Variants in SLC22A23 observed in about 807,000 individuals in gnomAD.
SLC22A23 encodes solute carrier family 22 member 23, also known as ion transporter protein.
A neutral mutation model predicts 61.0 loss-of-function variants in SLC22A23; 26 were observed. That is an observed-to-expected ratio of 0.43 (90% CI 0.31 to 0.59). The LOEUF (loss-of-function observed/expected upper bound fraction) is 0.59, where lower values mean the gene tolerates loss of function less well. Ranked by LOEUF, SLC22A23 falls within the 20% of genes least tolerant of loss-of-function variation. The pLI, the probability that SLC22A23 is intolerant of heterozygous loss-of-function variation, is 0.11. For missense variants in SLC22A23, 796 were observed against 934.7 expected (o/e 0.85, Z 1.94); for synonymous variants, 430 against 413.9 (o/e 1.04, Z -0.47).
rs1772320470 is a variant in SLC22A23 at position 3,454,931 on chromosome 6, G to C, written c.654+975C>G. Reference sequence around the variant, plus strand: ...TTTAAAACTCTGCCAGAACAGCCCAGAATGGGTAGCGGGTGGGGTGGAGGA... The same window carrying C: ...TTTAAAACTCTGCCAGAACAGCCCACAATGGGTAGCGGGTGGGGTGGAGGA... On this transcript the variant is annotated intron_variant, in intron 1 of 9. Coordinates refer to ENST00000406686, the MANE Select transcript of SLC22A23 (RefSeq NM_015482.2). This position sits in a 1 kb window ranked among gnomAD's most constrained non-coding sequence, Gnocchi z 4.3. 6.6e-6 allele frequency among the ~76,000 whole-genome samples: 1 copy of C among 152,244 alleles called. No individual in the cohort carries two copies. Among genetic ancestry groups the C allele is most frequent in the Non-Finnish European group, 1.5e-5 (1 of 68,042 alleles).
intron 4 of SLC22A23, among the ~76,000 whole-genome samples, chr6:3,321,868 G>A (rs984105118): frequency 1.3e-5 from 2 of 152,240 alleles, no homozygotes; most frequent in Non-Finnish European, 1.5e-5. Flanking sequence ...GTAGGGACAT[G>A]AGATGGAAGC....
intron 9 of SLC22A23, among the ~76,000 whole-genome samples, chr6:3,278,130 A>G (rs557530327): frequency 5.3e-5 from 8 of 152,326 alleles, no homozygotes; most frequent in South Asian, 2.1e-4. Context: ...AAACCATAAG[A>G]TAGTAGATGC....
Position 3,445,038 on chromosome 6 carries a change from G to A in SLC22A23, c.654+10868C>T, listed in dbSNP as rs1206756007. ...TGCCAGGTACGTGGGGGTGGGGCAC[G>A]CTTCCCAGTGTTCTGCGTCTGTCCT... On this transcript the variant is annotated intron_variant, in intron 1 of 9. Transcript: ENST00000406686. 1.1e-5 allele frequency: 10 copies of A among 937,096 alleles called. No individual in the cohort carries two copies. In the South Asian group the frequency reaches 2.0e-4, roughly 18 times the overall value. The allele number at this position is 937,096 out of a possible 1,614,324, so 58.0% of individuals were successfully genotyped here. A position where few individuals can be genotyped will look rare whatever the true frequency, so the allele number is the denominator to read the frequency against.
chr6:3,330,036 G>A lies in SLC22A23; in HGVS notation c.914-6034C>T, dbSNP rs1017700705. 3.9e-5 allele frequency among the ~76,000 whole-genome samples: 6 copies of A among 152,302 alleles called. No individual in the cohort carries two copies. In the South Asian group the frequency reaches 1.2e-3, roughly 32 times the overall value. On this transcript the variant is annotated intron_variant, in intron 3 of 9. Transcript: ENST00000406686. The surrounding 1 kb of genome is among the most constrained non-coding windows in gnomAD (Gnocchi z 4.7). ...CCAAGGGGAAGCCTCTGCGAAGGCC[G>A]ACTGGGCCACTAGGACACCGGGGCT...
At position 3,448,195 on chromosome 6, in the gene SLC22A23, G is replaced by A. The variant is rs1009709682; in HGVS notation, c.654+7711C>T. Among the ~76,000 whole-genome samples the A allele has an allele frequency of 5.9e-5, 9 of 152,096 alleles. No individual in the cohort carries two copies. The South Asian group carries it at 1.0e-3, about 18-fold the overall frequency. On this transcript the variant is annotated intron_variant, in intron 1 of 9. Coordinates refer to ENST00000406686, the MANE Select transcript of SLC22A23 (RefSeq NM_015482.2). ...TGGGATTACAGGCGTGAGCCACCGC[G>A]CCCGGCCAAAAAAATTTTTTCAAGT...
At chr6:3,283,655 C>G (rs1401851417) in intron 9 of SLC22A23, 197 bp downstream of exon 9, 2 of 759,544 alleles carry the variant, frequency 2.6e-6, no homozygotes, top group Non-Finnish European at 4.2e-6. Context: ...GGACAGGACC[C>G]CAGGGCCAGG....
rs1182100363 is a variant in SLC22A23 at position 3,410,258 on chromosome 6, T to C, written c.843A>G (p.Thr281=). The C allele has an allele frequency of 1.2e-6, 2 of 1,613,870 alleles. No homozygotes were observed. Among genetic ancestry groups the C allele is most frequent in the Non-Finnish European group, 1.7e-6 (2 of 1,179,978 alleles). Residue 281 remains threonine (T), a synonymous_variant, in exon 3 of 10, where the codon ACA becomes ACG. Coordinates refer to ENST00000406686, the MANE Select transcript of SLC22A23 (RefSeq NM_015482.2). This position sits in a 1 kb window ranked among gnomAD's most constrained non-coding sequence, Gnocchi z 5.0. The part of the protein sequence containing the change: ...GLTVALSVNV[T]MFSTLRFFEG... ...CAAAGAACCTGAGTGTGCTGAACATTGTCACATTCACTGACAGTGCCACAG... is the reference window on the plus strand; with the variant it reads ...CAAAGAACCTGAGTGTGCTGAACATCGTCACATTCACTGACAGTGCCACAG...
intron 9 of SLC22A23, among the ~76,000 whole-genome samples, chr6:3,280,829 ACT>A (rs1488784896): frequency 6.6e-6 from 1 of 151,838 alleles, no homozygotes; most frequent in Non-Finnish European, 1.5e-5. Context: ...AGTTGAACAG[ACT>A]CTGATACTCC....
At chr6:3,332,611 A>T (rs1178391204) in intron 3 of SLC22A23, among the ~76,000 whole-genome samples, 1 of 152,190 alleles carries the variant, frequency 6.6e-6, no homozygotes, top group Non-Finnish European at 1.5e-5. Context: ...AATATTTTAA[A>T]TCAGATTCCT....
At chr6:3,450,468 G>GTCGA (rs1231197151) in intron 1 of SLC22A23, among the ~76,000 whole-genome samples, 1 of 152,032 alleles carries the variant, frequency 6.6e-6, no homozygotes, top group African/African-American at 2.4e-5. Flanking sequence ...CACCATGCCC[G>GTCGA]GCTAATTTTT....
intron 1 of SLC22A23, among the ~76,000 whole-genome samples, chr6:3,417,619 A>T (rs1029149443): frequency 1.3e-5 from 2 of 152,218 alleles, no homozygotes; most frequent in Non-Finnish European, 2.9e-5. Flanking sequence ...CTTGGGCCCC[A>T]TCCCAGGCCC....
At chr6:3,400,027 C>A (rs1056628261) in intron 3 of SLC22A23, among the ~76,000 whole-genome samples, 9 of 152,092 alleles carry the variant, frequency 5.9e-5, no homozygotes, top group Admixed American at 3.9e-4. Flanking sequence ...TACAGGCATG[C>A]ACCACCATGC....
intron 3 of SLC22A23, among the ~76,000 whole-genome samples, chr6:3,404,182 A>G (rs1768634227): frequency 6.6e-6 from 1 of 151,478 alleles, no homozygotes; most frequent in Non-Finnish European, 1.5e-5. Flanking sequence ...ATCTCCGAGT[A>G]TTTGCTACTA....
chr6:3,335,555 C>G (rs374192259), intron 3 of SLC22A23, among the ~76,000 whole-genome samples: 2 of 152,300 alleles, frequency 1.3e-5, no homozygotes, highest in African/African-American at 4.8e-5. Context: ...CCTCAGTGAG[C>G]AGGGCTCTCA....
At chr6:3,323,585 C>A in intron 4 of SLC22A23, 1 of 561,704 alleles carries the variant, frequency 1.8e-6, no homozygotes, top group South Asian at 2.1e-5. Context: ...CTGGCCAGTG[C>A]ATTTGCAGAT....
At chr6:3,332,850 C>G (rs1763652984) in intron 3 of SLC22A23, among the ~76,000 whole-genome samples, 1 of 152,078 alleles carries the variant, frequency 6.6e-6, no homozygotes, top group African/African-American at 2.4e-5. Flanking sequence ...AGCAGACTTC[C>G]CCCGACCCTC....
rs1767572085 is a variant in SLC22A23, at chr6:3,390,108, G to A, written c.913+20080C>T. Among the ~76,000 whole-genome samples the A allele has an allele frequency of 6.6e-6, 1 of 152,122 alleles. No homozygotes were observed. Among genetic ancestry groups the A allele is most frequent in the African/African-American group, 2.4e-5 (1 of 41,422 alleles). ...GGGCCAGTTGCCACCATCCGTCCGT[G>A]GGCTCATCCGGAACAGCAACCAGCG... On this transcript the variant is annotated intron_variant, in intron 3 of 9. Transcript: ENST00000406686. This position sits in a 1 kb window ranked among gnomAD's most constrained non-coding sequence, Gnocchi z 4.0.
chr6:3,359,449 A>C (rs1765302681), intron 3 of SLC22A23, among the ~76,000 whole-genome samples: 2 of 152,228 alleles, frequency 1.3e-5, no homozygotes, highest in South Asian at 4.1e-4. Flanking sequence ...GCTCAACGTC[A>C]CTGTCATCGG....
chr6:3,405,245 T>G (rs1384314967), intron 3 of SLC22A23, among the ~76,000 whole-genome samples: 3 of 151,168 alleles, frequency 2.0e-5, no homozygotes, highest in Non-Finnish European at 4.4e-5. Flanking sequence ...CAGGCGACAG[T>G]GCGAGACTGT....
Sources: gnomAD v4.1 joint callset for allele counts (sites outside exome capture counted in the v4.1 genomes callset) on GRCh38, gnomAD v4.1.1 for gene constraint, Gnocchi (gnomAD v3.1) non-coding constraint, MANE v1.5 for transcripts, NCBI Gene and HGNC (gene_info 2026-07-23, HGNC 2026-07-21) for gene names.